LMO7: variants seen among roughly 807,000 people sequenced by gnomAD.
LMO7 encodes the protein LIM domain 7, also known as LIM domain only protein 7.
A neutral mutation model predicts 206.5 loss-of-function variants in LMO7; 120 were observed. The ratio of observed to expected loss-of-function variants is 0.58; its 90% CI spans 0.50 to 0.68. The LOEUF is 0.68. Among genes scored for constraint, LMO7 ranks in the 30% least tolerant of loss-of-function variants. The probability of loss-of-function intolerance (pLI) is 0.00; values close to 1 mark genes in which losing one functional copy is unlikely to be tolerated. For missense variants in LMO7, 1,959 were observed against 1,957.9 expected, an observed-to-expected ratio of 1.00 and a Z score of -0.01; for synonymous variants, 706 against 681.5, an observed-to-expected ratio of 1.04 and a Z score of -0.56.
chr13:75,678,107 G>C, intron 1 of LMO7, among the ~76,000 whole-genome samples: 1 of 151,960 alleles, frequency 6.6e-6, no homozygotes, highest in African/African-American at 2.4e-5. Context: ...AAACATATGT[G>C]TGCATGTGTC....
chr13:75,817,303 G>T, intron 12 of LMO7, 25 bp downstream of exon 12: 1 of 1,429,200 alleles, frequency 7.0e-7, no homozygotes. Flanking sequence ...GATTGGAGGG[G>T]AGAGAGTGTA....
At chr13:75,850,560 A>G (rs779328049) in intron 27 of LMO7, among the ~76,000 whole-genome samples, 1 of 152,224 alleles carries the variant, frequency 6.6e-6, no homozygotes, top group Non-Finnish European at 1.5e-5. Context: ...AGAACACTAT[A>G]TGACTATTGA....
chr13:75,637,796 C>T (rs1355952799), intron 1 of LMO7, among the ~76,000 whole-genome samples: 2 of 152,082 alleles, frequency 1.3e-5, no homozygotes, highest in Non-Finnish European at 2.9e-5. Context: ...ACATTTCTTA[C>T]GCTAAATAAA....
intron 1 of LMO7, among the ~76,000 whole-genome samples, chr13:75,670,008 T>A (rs2039416364): frequency 6.6e-6 from 1 of 152,200 alleles, no homozygotes; most frequent in South Asian, 2.1e-4. Context: ...GGTTTGCAAG[T>A]TGCTATAACC....
chr13:75,674,823 A>AC (rs1166946977), intron 1 of LMO7, among the ~76,000 whole-genome samples: 2 of 152,206 alleles, frequency 1.3e-5, no homozygotes, highest in Non-Finnish European at 2.9e-5. Context: ...GGAAATGAAA[A>AC]AGTATTATTT....
intron 2 of LMO7, among the ~76,000 whole-genome samples, chr13:75,715,770 G>A (rs1190756365): frequency 2.6e-5 from 4 of 152,190 alleles, no homozygotes; most frequent in African/African-American, 9.6e-5. Flanking sequence ...AAGCCTGGCT[G>A]GTTGCACTCT....
intron 2 of LMO7, among the ~76,000 whole-genome samples, chr13:75,726,462 G>C (rs1215429256): frequency 6.6e-6 from 1 of 151,788 alleles, no homozygotes; most frequent in Non-Finnish European, 1.5e-5. Flanking sequence ...CTGGTACATT[G>C]AATTTAATGT....
At chr13:75,760,462 A>G (rs941501307) in intron 3 of LMO7, 3 of 1,195,522 alleles carry the variant, frequency 2.5e-6, no homozygotes, top group Non-Finnish European at 3.1e-6. Context: ...TGTAATTTGT[A>G]ATCATAGAAA....
chr13:75,716,015 A>C (rs998682723), intron 2 of LMO7, among the ~76,000 whole-genome samples: 1 of 152,222 alleles, frequency 6.6e-6, no homozygotes, highest in African/African-American at 2.4e-5. Flanking sequence ...ATTTTCGTAC[A>C]GGAAAAGGCT....
chr13:75,636,654 A>G lies in LMO7; in HGVS notation c.-4A>G, dbSNP rs1339857953. The G allele has an allele frequency of 6.2e-7, 1 of 1,600,106 alleles. No homozygotes were observed. Among genetic ancestry groups the G allele is most frequent in the Non-Finnish European group, 8.5e-7 (1 of 1,174,170 alleles). On this transcript the variant is annotated 5_prime_UTR_variant, in exon 1 of 31. Coordinates refer to ENST00000377534, the MANE Select transcript of LMO7 (RefSeq NM_001306080.2). Reference sequence around the variant, plus strand: ...AGTCTCTCTCTCCCTCCCTTGTCCTAGCCATGGAAGGGCTGGAGGAGGCAG... The same window carrying G: ...AGTCTCTCTCTCCCTCCCTTGTCCTGGCCATGGAAGGGCTGGAGGAGGCAG...
chr13:75,712,851 C>T (rs1483578226), intron 1 of LMO7, among the ~76,000 whole-genome samples: 1 of 152,094 alleles, frequency 6.6e-6, no homozygotes, highest in Non-Finnish European at 1.5e-5. Context: ...TAGAATAGAT[C>T]ACCCATAGGT....
At chr13:75,847,966 T>C (rs990611855) in intron 26 of LMO7, among the ~76,000 whole-genome samples, 1 of 152,206 alleles carries the variant, frequency 6.6e-6, no homozygotes, top group Non-Finnish European at 1.5e-5. Flanking sequence ...AGTCACTATT[T>C]ATTTATTTAT....
rs758823781 is a variant in LMO7, at chr13:75,841,833, G to A, written c.3881G>A (p.Arg1294Lys). 3.7e-6 allele frequency: 6 copies of A among 1,614,138 alleles called. No homozygotes were observed. Among genetic ancestry groups the A allele is most frequent in the Non-Finnish European group, 4.2e-6 (5 of 1,180,010 alleles). The change falls in exon 24 of 31, where the codon AGA (arginine) becomes AAA (lysine). Residue 1294 changes from arginine (R) to lysine (K), a missense_variant. Physicochemically the swap from Arg to Lys is conservative, Grantham distance 26. Coordinates refer to ENST00000377534, the MANE Select transcript of LMO7 (RefSeq NM_001306080.2). ...CCGCAGGATCAGCTTGTTATTGAGA[G>A]AGAGAGGAAATGGGAGCAACAGCTT... ...KKPQDQLVIE[R>K]ERKWEQQLQE...
intron 2 of LMO7, among the ~76,000 whole-genome samples, chr13:75,629,772 G>T (rs1029968386): frequency 2.0e-5 from 3 of 152,130 alleles, no homozygotes; most frequent in Non-Finnish European, 4.4e-5. Flanking sequence ...CTAGCTGAGC[G>T]CTAATGAGAG....
chr13:75,771,100 A>C (rs1662978413), intron 4 of LMO7, among the ~76,000 whole-genome samples: 1 of 152,070 alleles, frequency 6.6e-6, no homozygotes, highest in Non-Finnish European at 1.5e-5. Context: ...GCCTTATTTG[A>C]TATGTGGCAA....
intron 1 of LMO7, among the ~76,000 whole-genome samples, chr13:75,666,422 A>G (rs1267785006): frequency 6.6e-6 from 1 of 152,226 alleles, no homozygotes. Flanking sequence ...GGATCTAGAA[A>G]TAGTAGAAAT....
At chr13:75,668,138 G>A (rs755294126) in intron 1 of LMO7, among the ~76,000 whole-genome samples, 4 of 152,208 alleles carry the variant, frequency 2.6e-5, no homozygotes, top group Non-Finnish European at 4.4e-5. Flanking sequence ...AACACTGGAG[G>A]TGCAGGCTGC....
intron 26 of LMO7, 119 bp from the exon 27 acceptor site, chr13:75,848,960 G>A: frequency 1.6e-6 from 1 of 640,368 alleles, no homozygotes; most frequent in South Asian, 2.0e-5. Flanking sequence ...TCTTGCAGGA[G>A]TAAGGTGGTA....
chr13:75,692,580 C>A (rs1379108421), intron 1 of LMO7, among the ~76,000 whole-genome samples: 1 of 151,958 alleles, frequency 6.6e-6, no homozygotes, highest in Non-Finnish European at 1.5e-5. Context: ...TACGTAGGGT[C>A]TTTCTGTGTT....
Sources: allele counts gnomAD v4.1 joint callset (sites outside exome capture counted in the v4.1 genomes callset), GRCh38; gene constraint gnomAD v4.1.1; transcripts MANE v1.5; gene names NCBI Gene and HGNC (gene_info 2026-07-23, HGNC 2026-07-21).